TTC6: variants seen among roughly 807,000 people sequenced by gnomAD.
The protein encoded by TTC6 is tetratricopeptide repeat domain 6, also known as tetratricopeptide repeat protein 6.
In TTC6, 172 loss-of-function variants were observed where a neutral mutation model predicts 210.4. The observed-to-expected ratio is 0.82, with a 90% CI of 0.72 to 0.93. The LOEUF (loss-of-function observed/expected upper bound fraction) is 0.93, where lower values mean the gene tolerates loss of function less well. Among genes scored for constraint, TTC6 ranks in the 40% least tolerant of loss-of-function variants. TTC6 has a pLI of 0.00. For synonymous variants in TTC6, 804 were observed against 819.6 expected, an observed-to-expected ratio of 0.98 and a Z score of 0.32; for missense variants, 2,414 against 2,318.1, an observed-to-expected ratio of 1.04 and a Z score of -0.85.
Position 37,652,366 on chromosome 14 carries a change from G to A in TTC6, c.940-27785G>A, listed in dbSNP as rs1420500475. Among the ~76,000 whole-genome samples, 3 of 152,186 alleles carry A rather than the reference G, an allele frequency of 2.0e-5. No homozygotes were observed. The East Asian group carries it at 5.8e-4, about 29-fold the overall frequency. On this transcript the variant is annotated intron_variant, in intron 1 of 30. Transcript: ENST00000553443. ...GATAGAAAGAAATTGGACTACAGCT[G>A]AAAGAGGTTAAATAGGGATTTTCTT...
chr14:37,841,517 A>G (rs1257786358), exon 30 of TTC6: 3 of 1,601,348 alleles, frequency 1.9e-6, no homozygotes, highest in Admixed American at 1.8e-5. Context: ...TCGAGCTATT[A>G]CAAATACAAT....
At position 37,786,956 on chromosome 14, in the gene TTC6, G is replaced by A. The variant is rs77632466; in HGVS notation, c.3267-512G>A. Among the ~76,000 whole-genome samples, 663 of 152,240 alleles carry A rather than the reference G, an allele frequency of 4.4e-3. 3 individuals carry two copies. Among genetic ancestry groups the A allele is most frequent in the Non-Finnish European group, 4.3e-3 (292 of 68,028 alleles). On this transcript the variant is annotated intron_variant, in intron 14 of 30. Coordinates refer to ENST00000553443, the Ensembl canonical transcript of TTC6. ...TTGGAGTCAGAAGTTAATGATAAAG[G>A]AATCCAGTTTACACAACTAATGCAA... is the stretch of plus-strand genomic sequence containing the variant.
At chr14:37,783,597 A>AT (rs748009016) in intron 14 of TTC6, among the ~76,000 whole-genome samples, 139 of 151,902 alleles carry the variant, frequency 9.2e-4, no homozygotes, top group Non-Finnish European at 1.6e-3. Flanking sequence ...GGATTCATTG[A>AT]TTTTTTGAAG....
intron 1 of TTC6, among the ~76,000 whole-genome samples, chr14:37,624,458 G>A (rs979723349): frequency 2.0e-4 from 31 of 152,134 alleles, no homozygotes; most frequent in Non-Finnish European, 3.1e-4. Context: ...CTGGTCCAGA[G>A]GTCCCGTACA....
At chr14:37,645,685 T>G (rs1433155170) in intron 1 of TTC6, among the ~76,000 whole-genome samples, 1 of 152,116 alleles carries the variant, frequency 6.6e-6, no homozygotes, top group East Asian at 1.9e-4. Flanking sequence ...GAGGAGATAG[T>G]GCAAGGCTCC....
At chr14:37,665,416 ATGT>A (rs2095745995) in intron 1 of TTC6, among the ~76,000 whole-genome samples, 1 of 150,458 alleles carries the variant, frequency 6.6e-6, no homozygotes, top group Non-Finnish European at 1.5e-5. Context: ...CAAACACCAC[ATGT>A]TGTCACTTAT....
rs141830223 is a variant in TTC6, at chr14:37,642,561, A to C, written c.939+19558A>C. ...TTTTTGAAATCTTTAAACTGTTCTC[A>C]AAGTGAATACCTGCAAGTACTTTCT... is the stretch of plus-strand genomic sequence containing the variant. On this transcript the variant is annotated intron_variant, in intron 1 of 30. Coordinates refer to ENST00000553443, the Ensembl canonical transcript of TTC6. 4.0e-3 allele frequency among the ~76,000 whole-genome samples: 606 copies of C among 152,334 alleles called. 2 individuals are homozygous for C. The highest frequency in any genetic ancestry group is 0.02 in the Middle Eastern group (6 of 294).
chr14:37,738,884 G>T lies in TTC6; in HGVS notation c.2092G>T (p.Glu698Ter), dbSNP rs1227217587. 2.4e-5 allele frequency: 37 copies of T among 1,535,036 alleles called. No individual in the cohort carries two copies. Among genetic ancestry groups the T allele is most frequent in the Non-Finnish European group, 3.1e-5 (35 of 1,146,672 alleles). The change falls in exon 10 of 31, where the codon GAA (glutamate) becomes TAA (stop). Residue 698 changes from glutamate to a stop codon, truncating the protein, a stop_gained. Transcript: ENST00000553443. LOFTEE classifies it high-confidence loss of function. ...AGAGGTTATGTTTCAGAAAGCAAAG[G>T]AATTGAAACGTCAGCTCCAGCTCAC...
chr14:37,751,980 T>C (rs1246108728), intron 13 of TTC6, among the ~76,000 whole-genome samples: 2 of 151,952 alleles, frequency 1.3e-5, no homozygotes, highest in East Asian at 1.9e-4. Context: ...CCCGCCACTA[T>C]GCCCGGTTAA....
chr14:37,656,616 G>A (rs2095723933), intron 1 of TTC6, among the ~76,000 whole-genome samples: 1 of 151,858 alleles, frequency 6.6e-6, no homozygotes, highest in Non-Finnish European at 1.5e-5. Context: ...GAATAGCTGT[G>A]GTGGAAGGAG....
At chr14:37,699,639 G>A (rs956790273) in intron 4 of TTC6, among the ~76,000 whole-genome samples, 8 of 152,188 alleles carry the variant, frequency 5.3e-5, no homozygotes, top group Admixed American at 5.2e-4. Flanking sequence ...ACTGGTGAAC[G>A]ACTGCCTGCG....
At chr14:37,697,096 G>A (rs2138655938) in intron 4 of TTC6, among the ~76,000 whole-genome samples, 1 of 152,104 alleles carries the variant, frequency 6.6e-6, no homozygotes, top group East Asian at 1.9e-4. Flanking sequence ...CTGTTTGTGA[G>A]ACTGAAGAAA....
chr14:37,809,103 G>A (rs2096124380), intron 24 of TTC6, among the ~76,000 whole-genome samples: 1 of 151,996 alleles, frequency 6.6e-6, no homozygotes, highest in African/African-American at 2.4e-5. Flanking sequence ...CTTTGTTGGT[G>A]CTCACCAAAT....
At chr14:37,768,077 T>C (rs2096005085) in intron 14 of TTC6, among the ~76,000 whole-genome samples, 2 of 151,236 alleles carry the variant, frequency 1.3e-5, no homozygotes, top group African/African-American at 4.8e-5. Flanking sequence ...CCATTGCTTG[T>C]TTTTCTCAGG....
At chr14:37,826,332 T>C in exon 28 of TTC6, 2 of 1,603,024 alleles carry the variant, frequency 1.2e-6, no homozygotes, top group Non-Finnish European at 1.7e-6. Flanking sequence ...TGCAGGATAT[T>C]AATGCTGCCA....
intron 6 of TTC6, among the ~76,000 whole-genome samples, chr14:37,721,286 C>T (rs1190689348): frequency 6.6e-6 from 1 of 152,064 alleles, no homozygotes; most frequent in African/African-American, 2.4e-5. Flanking sequence ...TTTCAAATAA[C>T]ATCACACATT....
At position 37,598,983 on chromosome 14, in the gene TTC6, C is replaced by T. The variant is rs1306050413; in HGVS notation, c.-235+2975C>T. ...AAGTCCTCCTTCTGCAGGGGAGAAT[C>T]GGATGCAATGAAACTAAGACCTGTG... On this transcript the variant is annotated intron_variant, in intron 1 of 2. Transcript: ENST00000556845. This position sits in a 1 kb window ranked among gnomAD's most constrained non-coding sequence, Gnocchi z 4.9. Among the ~76,000 whole-genome samples, 1 of 143,506 alleles carries T rather than the reference C, an allele frequency of 7.0e-6. No homozygotes were observed. The highest frequency in any genetic ancestry group is 2.6e-5 in the African/African-American group (1 of 39,046). 94.1% of individuals were successfully genotyped at this position (143,506 alleles called of 152,430 possible).
intron 1 of TTC6, among the ~76,000 whole-genome samples, chr14:37,638,464 A>T (rs1035437771): frequency 5.9e-5 from 9 of 152,074 alleles, no homozygotes; most frequent in African/African-American, 1.7e-4. Context: ...CATGTTGGCT[A>T]GGCTGGTCTT....
At chr14:37,604,024 G>A (rs947596388) in intron 1 of TTC6, among the ~76,000 whole-genome samples, 1 of 152,206 alleles carries the variant, frequency 6.6e-6, no homozygotes, top group African/African-American at 2.4e-5. Context: ...GAGCCTGAGA[G>A]GTGCTGGATG....
Sources: gnomAD v4.1 joint callset for allele counts (sites outside exome capture counted in the v4.1 genomes callset) on GRCh38, gnomAD v4.1.1 for gene constraint, Gnocchi (gnomAD v3.1) non-coding constraint, MANE v1.5 for transcripts, NCBI Gene and HGNC (gene_info 2026-07-23, HGNC 2026-07-21) for gene names.